CAPN13: variants seen among roughly 807,000 people sequenced by gnomAD.
CAPN13 encodes the protein calpain-13.
A neutral mutation model predicts 98.4 loss-of-function variants in CAPN13; 90 were observed. That is an observed-to-expected ratio of 0.92 (90% CI 0.77 to 1.09). The LOEUF is 1.09. CAPN13 is among the 50% of genes least tolerant of loss of function. The pLI, the probability that CAPN13 is intolerant of heterozygous loss-of-function variation, is 0.00. For missense variants in CAPN13, 887 were observed against 841.3 expected, an observed-to-expected ratio of 1.05 and a Z score of -0.67; for synonymous variants, 330 against 305.5, an observed-to-expected ratio of 1.08 and a Z score of -0.84.
chr2:30,800,283 C>A (rs1675194690), intron 1 of CAPN13, among the ~76,000 whole-genome samples: 1 of 152,200 alleles, frequency 6.6e-6, no homozygotes, highest in African/African-American at 2.4e-5. Context: ...AGCACTGGAG[C>A]TGACTGCCAA....
At chr2:30,738,480 G>T (rs1469535421) in intron 15 of CAPN13, 23 bp from the exon 16 acceptor site, 3 of 1,591,026 alleles carry the variant, frequency 1.9e-6, no homozygotes, top group Non-Finnish European at 2.6e-6. Flanking sequence ...AGGAAGGAAT[G>T]CAGGAATTAT....
chr2:30,736,328 G>A (rs1671362618), intron 18 of CAPN13, among the ~76,000 whole-genome samples, 175 bp downstream of exon 18: 1 of 152,138 alleles, frequency 6.6e-6, no homozygotes, highest in Admixed American at 6.5e-5. Flanking sequence ...GCATTGCCTT[G>A]TGCCTTTTGG....
Position 30,741,963 on chromosome 2 carries a change from C to T in CAPN13, c.1481G>A (p.Gly494Glu), listed in dbSNP as rs2147968618. 6.2e-7 allele frequency: 1 copy of T among 1,613,798 alleles called. No homozygotes were observed. The highest frequency in any genetic ancestry group is 8.5e-7 in the Non-Finnish European group (1 of 1,179,758). ...TTGGGAGCCATGTTCTGAAGGGCTT[C>T]CCTGGATCAAAGGGAAAATAGTCAA... is the stretch of plus-strand genomic sequence containing the variant. Reference protein sequence around the residue: ...LSSHFNLRMKGSPSEHGSQQS... With the variant: ...LSSHFNLRMKESPSEHGSQQS... Residue 494 changes from glycine to glutamate, a missense_variant and splice_region_variant, in exon 15 of 23, where the codon GGA (glycine) becomes GAA (glutamate). Coordinates refer to ENST00000295055, the MANE Select transcript of CAPN13 (RefSeq NM_144575.3).
intron 2 of CAPN13, among the ~76,000 whole-genome samples, chr2:30,785,113 G>GAT: frequency 6.6e-6 from 1 of 152,318 alleles, no homozygotes; most frequent in South Asian, 2.1e-4. Context: ...GGCACATGTA[G>GAT]ATAGGGTCCT....
rs542453684 is a variant in CAPN13, at chr2:30,765,605, G to C, written c.525-1299C>G. On this transcript the variant is annotated intron_variant, in intron 5 of 22. Coordinates refer to ENST00000295055, the MANE Select transcript of CAPN13 (RefSeq NM_144575.3). ...TTGGCCTTTCATCTGGAAGCTGCAG[G>C]GTGGACTGGATCAGTCCTCAACACT... Among the ~76,000 whole-genome samples the C allele has an allele frequency of 9.2e-5, 14 of 152,296 alleles. No individual in the cohort carries two copies. In the East Asian group the frequency reaches 2.5e-3, roughly 27 times the overall value.
intron 1 of CAPN13, among the ~76,000 whole-genome samples, chr2:30,791,680 C>T (rs1674614549): frequency 6.6e-6 from 1 of 152,220 alleles, no homozygotes. Flanking sequence ...AGTTAAGTGA[C>T]TTCAGAACAT....
intron 1 of CAPN13, among the ~76,000 whole-genome samples, chr2:30,804,423 G>A (rs899770815): frequency 2.0e-5 from 3 of 152,066 alleles, no homozygotes; most frequent in Non-Finnish European, 4.4e-5. Flanking sequence ...GACTGGCCTC[G>A]AACTCCTGAC....
At chr2:30,789,817 C>T (rs1457029893) in intron 1 of CAPN13, among the ~76,000 whole-genome samples, 2 of 152,252 alleles carry the variant, frequency 1.3e-5, no homozygotes, top group Non-Finnish European at 2.9e-5. Context: ...AGGCCCAACA[C>T]TGTCTAAGAT....
At chr2:30,806,232 C>A (rs1042623690) in intron 1 of CAPN13, 3 of 152,218 alleles carry the variant, frequency 2.0e-5, no homozygotes, top group African/African-American at 7.2e-5. Context: ...TAAACTTTTG[C>A]AGCAAGTCAC....
At chr2:30,780,088 G>C (rs894248167) in intron 2 of CAPN13, among the ~76,000 whole-genome samples, 3 of 152,156 alleles carry the variant, frequency 2.0e-5, no homozygotes, top group Admixed American at 1.3e-4. Flanking sequence ...ACTCATGTTA[G>C]TAAATAAGCT....
intron 1 of CAPN13, among the ~76,000 whole-genome samples, chr2:30,804,738 G>C (rs1675502563): frequency 6.6e-6 from 1 of 152,078 alleles, no homozygotes; most frequent in Admixed American, 6.5e-5. Context: ...GGACTTCCTT[G>C]CTGTCTATCA....
chr2:30,785,801 GA>G (rs1041195984), intron 2 of CAPN13, among the ~76,000 whole-genome samples: 1 of 152,084 alleles, frequency 6.6e-6, no homozygotes, highest in Non-Finnish European at 1.5e-5. Flanking sequence ...ATAGCAAAGG[GA>G]AAAAAATGAC....
At chr2:30,727,097 G>GT (rs940031194) in intron 22 of CAPN13, among the ~76,000 whole-genome samples, 9 of 152,230 alleles carry the variant, frequency 5.9e-5, no homozygotes, top group Non-Finnish European at 1.2e-4. Flanking sequence ...AGAATGAATA[G>GT]TTTTTTCAGC....
At chr2:30,800,048 T>C (rs1675105718) in intron 1 of CAPN13, among the ~76,000 whole-genome samples, 1 of 148,950 alleles carries the variant, frequency 6.7e-6, no homozygotes, top group Admixed American at 6.8e-5. Flanking sequence ...CACTCCAGCC[T>C]GGGCTACAGA....
chr2:30,746,197 A>G (rs1371454872), intron 11 of CAPN13, among the ~76,000 whole-genome samples: 1 of 152,154 alleles, frequency 6.6e-6, no homozygotes, highest in Non-Finnish European at 1.5e-5. Context: ...GTGCCTGGCC[A>G]CCACAAAGGA....
At chr2:30,755,468 ATT>A (rs1355742544) in intron 8 of CAPN13, among the ~76,000 whole-genome samples, 1 of 152,074 alleles carries the variant, frequency 6.6e-6, no homozygotes, top group African/African-American at 2.4e-5. Flanking sequence ...GCATACAGTG[ATT>A]TTTTGTTTGC....
At chr2:30,764,382 C>T in intron 5 of CAPN13, 76 bp from the exon 6 acceptor site, 1 of 1,506,106 alleles carries the variant, frequency 6.6e-7, no homozygotes, top group African/African-American at 1.4e-5. Flanking sequence ...TGCACTGATC[C>T]TCTGCCTATT....
In CAPN13 at chr2:30,764,170, T is replaced by A. The variant is rs759601763; in HGVS notation, c.661A>T (p.Lys221Ter). ...DLVKAVKTAT[K>*]AGSLITCATP... ...GCACAGGTTATCAGGGAGCCTGCCTTGGTCGCTGTCTTCACTGCCTTCACC... is the reference window on the plus strand; with the variant it reads ...GCACAGGTTATCAGGGAGCCTGCCTAGGTCGCTGTCTTCACTGCCTTCACC... Residue 221 changes from lysine (K) to a stop codon, truncating the protein, a stop_gained, in exon 6 of 23, where the codon AAG (lysine) becomes TAG (stop). Coordinates refer to ENST00000295055, the MANE Select transcript of CAPN13 (RefSeq NM_144575.3). LOFTEE classifies it high-confidence loss of function. The A allele has an allele frequency of 1.9e-6, 3 of 1,594,676 alleles. No individual in the cohort carries two copies. The highest frequency in any genetic ancestry group is 2.6e-6 in the Non-Finnish European group (3 of 1,170,280).
At chr2:30,743,219 T>C (rs1017445638) in intron 13 of CAPN13, 164 bp downstream of exon 13, 13 of 675,726 alleles carry the variant, frequency 1.9e-5, no homozygotes, top group Middle Eastern at 3.5e-4. Context: ...ATAGACTTTC[T>C]CGCTCCCCCT....
Sources: allele counts gnomAD v4.1 joint callset (sites outside exome capture counted in the v4.1 genomes callset), GRCh38; gene constraint gnomAD v4.1.1; transcripts MANE v1.5; gene names NCBI Gene and HGNC (gene_info 2026-07-23, HGNC 2026-07-21).